Variants in SMAD1 observed in about 807,000 individuals in gnomAD.
The protein encoded by SMAD1 is SMAD family member 1, also known as MAD, mothers against decapentaplegic homolog 1.
In SMAD1, 6 loss-of-function variants were observed where a neutral mutation model predicts 41.6. The observed-to-expected ratio is 0.14, with a 90% CI of 0.08 to 0.28. The LOEUF (loss-of-function observed/expected upper bound fraction) is 0.28. SMAD1 is among the 10% of genes least tolerant of loss of function. The pLI, the probability that SMAD1 is intolerant of heterozygous loss-of-function variation, is 1.00. For synonymous variants in SMAD1, 206 were observed against 203.2 expected, an observed-to-expected ratio of 1.01 and a Z score of -0.12; for missense variants, 379 against 582.6, an observed-to-expected ratio of 0.65 and a Z score of 3.60.
chr4:145,557,702 A>C, intron 6 of SMAD1, 89 bp from the exon 7 acceptor site: 1 of 998,924 alleles, frequency 1.0e-6, no homozygotes, highest in Non-Finnish European at 1.4e-6. Flanking sequence ...AGCTTTAATC[A>C]GAGTCTTTGG....
chr4:145,489,547 G>T (rs1728667413), intron 1 of SMAD1, among the ~76,000 whole-genome samples: 1 of 152,182 alleles, frequency 6.6e-6, no homozygotes, highest in South Asian at 2.1e-4. Flanking sequence ...AGAAAGAGAT[G>T]TCGGAGATAT....
chr4:145,502,388 T>C (rs1477533578), intron 1 of SMAD1, among the ~76,000 whole-genome samples: 2 of 152,214 alleles, frequency 1.3e-5, no homozygotes, highest in Non-Finnish European at 2.9e-5. Flanking sequence ...CAAGAAGATA[T>C]AGAAAAGCCA....
chr4:145,509,319 G>A (rs1307414928), intron 1 of SMAD1, among the ~76,000 whole-genome samples: 1 of 152,174 alleles, frequency 6.6e-6, no homozygotes, highest in African/African-American at 2.4e-5. Context: ...TGTGTCTCCT[G>A]TGTCTAGCAC....
intron 2 of SMAD1, among the ~76,000 whole-genome samples, chr4:145,538,319 A>G (rs1349629697): frequency 6.6e-6 from 1 of 152,210 alleles, no homozygotes; most frequent in East Asian, 1.9e-4. Context: ...AGAAGAATTT[A>G]TGCTTTTAAT....
At chr4:145,500,088 C>G (rs1452774199) in intron 1 of SMAD1, among the ~76,000 whole-genome samples, 1 of 152,192 alleles carries the variant, frequency 6.6e-6, no homozygotes, top group Non-Finnish European at 1.5e-5. Flanking sequence ...TATCCAGAAT[C>G]TGACGACTTC....
intron 1 of SMAD1, among the ~76,000 whole-genome samples, chr4:145,500,872 A>G (rs1414428832): frequency 6.6e-6 from 1 of 152,220 alleles, no homozygotes; most frequent in Non-Finnish European, 1.5e-5. Context: ...ATAATTTTGA[A>G]GTAAGCCTTT....
intron 2 of SMAD1, among the ~76,000 whole-genome samples, chr4:145,534,051 A>G (rs1399002176): frequency 3.3e-5 from 5 of 152,170 alleles, no homozygotes; most frequent in African/African-American, 1.2e-4. Context: ...AAGAAGAGGG[A>G]TGAAACATGC....
At chr4:145,523,537 G>C (rs1427812835) in intron 2 of SMAD1, among the ~76,000 whole-genome samples, 1 of 152,102 alleles carries the variant, frequency 6.6e-6, no homozygotes, top group African/African-American at 2.4e-5. Flanking sequence ...TGTTCCATAG[G>C]AGTTACTATA....
At chr4:145,502,344 T>C (rs1357218927) in intron 1 of SMAD1, among the ~76,000 whole-genome samples, 1 of 152,152 alleles carries the variant, frequency 6.6e-6, no homozygotes, top group African/African-American at 2.4e-5. Context: ...TTCAATGGGA[T>C]TAAGGAATGT....
intron 6 of SMAD1, among the ~76,000 whole-genome samples, chr4:145,554,660 C>T (rs1010148977): frequency 2.0e-5 from 3 of 152,088 alleles, no homozygotes; most frequent in African/African-American, 7.2e-5. Flanking sequence ...AAAGACATTG[C>T]TCATAATAAT....
rs187467608 is a variant in SMAD1, at chr4:145,520,570, C to A, written c.400+5557C>A. Among the ~76,000 whole-genome samples, 389 of 152,338 alleles carry A rather than the reference C, an allele frequency of 2.6e-3. 5 individuals are homozygous for A. The highest frequency in any genetic ancestry group is 1.9e-3 in the East Asian group (10 of 5,194). On this transcript the variant is annotated intron_variant, in intron 2 of 6. Transcript: ENST00000302085. Reference sequence around the variant, plus strand: ...TGAGCTAGTCTTTTAAATCCTCCAGCATTTTTAATTTTGCATGTTTGGATA... The same window carrying A: ...TGAGCTAGTCTTTTAAATCCTCCAGAATTTTTAATTTTGCATGTTTGGATA...
At chr4:145,490,035 A>T (rs1019777580) in intron 1 of SMAD1, among the ~76,000 whole-genome samples, 2 of 152,190 alleles carry the variant, frequency 1.3e-5, no homozygotes, top group Non-Finnish European at 2.9e-5. Flanking sequence ...GGTGAAGGAG[A>T]AGAAGTCAGA....
At chr4:145,541,504 G>A (rs1292045413) in intron 3 of SMAD1, among the ~76,000 whole-genome samples, 1 of 152,152 alleles carries the variant, frequency 6.6e-6, no homozygotes, top group African/African-American at 2.4e-5. Context: ...CAGCTGCAGA[G>A]AAGAGGCTGA....
chr4:145,515,527 G>A (rs981640920), intron 2 of SMAD1, among the ~76,000 whole-genome samples: 6 of 151,978 alleles, frequency 3.9e-5, no homozygotes, highest in South Asian at 2.1e-4. Context: ...CATCTCTGGC[G>A]GAATTTTGCT....
At chr4:145,508,820 C>T (rs181758750) in intron 1 of SMAD1, among the ~76,000 whole-genome samples, 137 of 152,290 alleles carry the variant, frequency 9.0e-4, no homozygotes, top group African/African-American at 3.1e-3. Flanking sequence ...CCTCTTCTCT[C>T]TGTAACCTCA....
Position 145,494,486 on chromosome 4 carries a change from G to T in SMAD1, c.-177+12448G>T, listed in dbSNP as rs78029767. 6.5e-3 allele frequency among the ~76,000 whole-genome samples: 993 copies of T among 152,268 alleles called. 66 individuals carry two copies. The East Asian group carries it at 0.16, about 25-fold the overall frequency. The stretch of plus-strand genomic sequence containing the variant: ...TTACCTTATTAACTCTTTAGACTGA[G>T]TTCCTCGAGGGTATGGCCAGTGTCT... On this transcript the variant is annotated intron_variant, in intron 1 of 6. Transcript: ENST00000302085.
At chr4:145,484,954 TTC>T (rs1266645049) in intron 1 of SMAD1, among the ~76,000 whole-genome samples, 1 of 152,224 alleles carries the variant, frequency 6.6e-6, no homozygotes, top group African/African-American at 2.4e-5. Context: ...ATATAAACAG[TTC>T]AGGAAAAGAA....
intron 1 of SMAD1, among the ~76,000 whole-genome samples, chr4:145,501,395 G>A (rs896289797): frequency 1.3e-5 from 2 of 152,204 alleles, no homozygotes; most frequent in Non-Finnish European, 1.5e-5. Context: ...AACTTGTAAA[G>A]ATGTTTCCTT....
chr4:145,513,302 G>A (rs1183387970), intron 1 of SMAD1: 6 of 152,192 alleles, frequency 3.9e-5, no homozygotes, highest in African/African-American at 1.4e-4. Flanking sequence ...AAAAAGCTGG[G>A]CTTTTGTTTG....
Sources: allele counts gnomAD v4.1 joint callset (sites outside exome capture counted in the v4.1 genomes callset), GRCh38; gene constraint gnomAD v4.1.1; transcripts MANE v1.5; gene names NCBI Gene and HGNC (gene_info 2026-07-23, HGNC 2026-07-21).